Variants in BAIAP3 observed in about 807,000 individuals in gnomAD.
The protein encoded by BAIAP3 is BAI1-associated protein 3.
A neutral mutation model predicts 149.7 loss-of-function variants in BAIAP3; 180 were observed. The ratio of observed to expected loss-of-function variants is 1.20; its 90% CI spans 1.07 to 1.36. The LOEUF is 1.36. Among genes scored for constraint, BAIAP3 ranks in the 40% most tolerant of loss-of-function variants. BAIAP3 has a pLI of 0.00. For synonymous variants in BAIAP3, 845 were observed against 670.7 expected (o/e 1.26, Z -4.02); for missense variants, 1,767 against 1,563.4 (o/e 1.13, Z -2.20).
chr16:1,344,695 A>C lies in BAIAP3; in HGVS notation c.1754A>C (p.His585Pro). Residue 585 changes from histidine to proline, a missense_variant, in exon 19 of 34, where the codon CAC becomes CCC. Physicochemically the swap from His to Pro is moderately conservative, Grantham distance 77. Coordinates refer to ENST00000426824, the MANE Select transcript of BAIAP3 (RefSeq NM_001199097.2). ...FCYSVYASLF[H>P]SILNVDVFTL... The stretch of plus-strand genomic sequence containing the variant: ...TACAGTGTGTACGCCAGCCTCTTCC[A>C]CAGGTGGGCCTGGCCCCTCAGTGCT... The C allele has an allele frequency of 1.2e-6, 2 of 1,613,582 alleles. No individual in the cohort carries two copies. The highest frequency in any genetic ancestry group is 8.5e-7 in the Non-Finnish European group (1 of 1,179,990).
intron 3 of BAIAP3, 75 bp from the exon 4 acceptor site, chr16:1,339,089 C>A: frequency 6.3e-7 from 1 of 1,591,498 alleles, no homozygotes; most frequent in Non-Finnish European, 8.6e-7. Context: ...CCTCCTGGGG[C>A]ACCACCTGTC....
In BAIAP3 at chr16:1,342,030, T is replaced by A. The variant is rs758249260; in HGVS notation, c.821T>A (p.Leu274Gln). ...TCCCTGGTAGAAGCGTGCAGGAAGCTGAATGAAGTCATCGGCCTGAAGGGC... is the reference window on the plus strand; with the variant it reads ...TCCCTGGTAGAAGCGTGCAGGAAGCAGAATGAAGTCATCGGCCTGAAGGGC... ...DVSLVEACRK[L>Q]NEVIGLKGMG... Residue 274 changes from leucine (L) to glutamine (Q), a missense_variant, in exon 10 of 34, where the codon CTG becomes CAG. By Grantham distance (113) the Leu-to-Gln change is moderately radical. Transcript: ENST00000426824. The A allele has an allele frequency of 1.7e-5, 28 of 1,607,362 alleles. No homozygotes were observed. The South Asian group carries it at 2.5e-4, about 15-fold the overall frequency.
At chr16:1,334,241 G>C (rs907788562) in intron 1 of BAIAP3, among the ~76,000 whole-genome samples, 1 of 152,244 alleles carries the variant, frequency 6.6e-6, no homozygotes, top group South Asian at 2.1e-4. Flanking sequence ...ATCCCTGCGA[G>C]TGCAAAGCGG....
rs758687104 is a variant in BAIAP3 at position 1,346,615 on chromosome 16, C to A, written c.2573C>A (p.Pro858Gln). ...DSIQNDEAVA[P>Q]LMKYLDEKLA... is the part of the protein sequence containing the mutation. ...CACCCCTGCCCGCAGGCCGTGGCCC[C>A]GCTCATGAAGTACCTGGATGAGAAG... The change falls in exon 27 of 34, where the codon CCG becomes CAG. Residue 858 changes from proline (P) to glutamine (Q), a missense_variant. Coordinates refer to ENST00000426824, the MANE Select transcript of BAIAP3 (RefSeq NM_001199097.2). 4.5e-6 allele frequency: 7 copies of A among 1,552,592 alleles called. No individual in the cohort carries two copies. The East Asian group carries it at 1.7e-4, about 38-fold the overall frequency.
rs1402487668 is a variant in BAIAP3, at chr16:1,343,418, C to T, written c.1291C>T (p.His431Tyr). The change falls in exon 15 of 34, where the codon CAT becomes TAT. Residue 431 changes from histidine (H) to tyrosine (Y), a missense_variant. Transcript: ENST00000426824. ...VLHWQVSSRH[H>Y]QTCTLDYSYL... The stretch of plus-strand genomic sequence containing the variant: ...GCACTGGCAGGTCAGCAGCCGCCAC[C>T]ATCAAACCTGCACGCTGGACTACAG... 2 of 1,573,312 alleles carry T rather than the reference C, an allele frequency of 1.3e-6. No homozygotes were observed. The highest frequency in any genetic ancestry group is 1.7e-6 in the Non-Finnish European group (2 of 1,161,656).
Position 1,339,152 on chromosome 16 carries a change from C to T in BAIAP3, c.220-12C>T, listed in dbSNP as rs7202563. The T allele has an allele frequency of 6.4e-7, 1 of 1,565,354 alleles. No individual in the cohort carries two copies. The highest frequency in any genetic ancestry group is 1.2e-5 in the South Asian group (1 of 86,078). The stretch of plus-strand genomic sequence containing the variant: ...CTGCCGTCAGAGCCCTCACCCTGGG[C>T]CCCACACACAGGTCCCCCTGCGCAG... On this transcript the variant is annotated splice_polypyrimidine_tract_variant and intron_variant, in intron 3 of 33. Coordinates refer to ENST00000426824, the MANE Select transcript of BAIAP3 (RefSeq NM_001199097.2).
Position 1,342,485 on chromosome 16 carries a change from G to A in BAIAP3, c.958-42G>A, listed in dbSNP as rs540180093. On this transcript the variant is annotated intron_variant, in intron 11 of 33. Transcript: ENST00000426824. ...CTCACAGAGTCAGTGTGGAAGGGGA[G>A]GGGGAGGAGTCTGGTGGGCCTGACC... 8.9e-5 allele frequency: 135 copies of A among 1,510,566 alleles called. 1 individual carries two copies. The South Asian group carries it at 1.5e-3, about 17-fold the overall frequency. 93.6% of individuals were successfully genotyped at this position (1,510,566 alleles called of 1,614,324 possible).
Position 1,342,920 on chromosome 16 carries a change from C to G in BAIAP3, c.1169C>G (p.Ser390Cys), listed in dbSNP as rs780502832. The change falls in exon 14 of 34, where the codon TCC (serine) becomes TGC (cysteine). Residue 390 changes from serine to cysteine, a missense_variant. Coordinates refer to ENST00000426824, the MANE Select transcript of BAIAP3 (RefSeq NM_001199097.2). ...RLEHSAEEPN[S>C]SSWRGELSTP... ...ACAGACCTCCTCCCCCAGCCCAACT[C>G]CAGCAGCTGGCGAGGAGAGCTCAGC... The G allele has an allele frequency of 1.7e-5, 27 of 1,612,210 alleles. No individual in the cohort carries two copies. Among genetic ancestry groups the G allele is most frequent in the Non-Finnish European group, 2.0e-5 (24 of 1,179,998 alleles).
intron 1 of BAIAP3, among the ~76,000 whole-genome samples, chr16:1,334,196 C>T (rs1384649119): frequency 6.6e-6 from 1 of 152,044 alleles, no homozygotes; most frequent in South Asian, 2.1e-4. Context: ...TCCCTCCTCC[C>T]GCAGGTCCTC....
At position 1,347,371 on chromosome 16, in the gene BAIAP3, T is replaced by G. The variant is rs1359397058; in HGVS notation, c.2823+2T>G. ...AGCCTGAGGGATGGAAGCTACAAGG[T>G]GAGGTGGGACCCTCTGTGGGGCGGG... On this transcript the variant is annotated splice_donor_variant, in intron 29 of 33. Coordinates refer to ENST00000426824, the MANE Select transcript of BAIAP3 (RefSeq NM_001199097.2). LOFTEE classifies it high-confidence loss of function. 1.2e-6 allele frequency: 2 copies of G among 1,613,272 alleles called. No individual in the cohort carries two copies. The highest frequency in any genetic ancestry group is 8.5e-7 in the Non-Finnish European group (1 of 1,179,880).
At position 1,342,636 on chromosome 16, in the gene BAIAP3, T is replaced by G. The variant is rs1198962897; in HGVS notation, c.1065+2T>G. 6.3e-7 allele frequency: 1 copy of G among 1,589,720 alleles called. No individual in the cohort carries two copies. Among genetic ancestry groups the G allele is most frequent in the African/African-American group, 1.3e-5 (1 of 74,254 alleles). The stretch of plus-strand genomic sequence containing the variant: ...GTTCTCAAGCTGATCACTACGCAGG[T>G]GGGGAAAGTGGGCGTCCCCGTCCTC... On this transcript the variant is annotated splice_donor_variant, in intron 12 of 33. Coordinates refer to ENST00000426824, the MANE Select transcript of BAIAP3 (RefSeq NM_001199097.2). LOFTEE classifies it high-confidence loss of function.
chr16:1,344,282 T>G lies in BAIAP3; in HGVS notation c.1567T>G (p.Ser523Ala). The G allele has an allele frequency of 6.2e-7, 1 of 1,613,776 alleles. No homozygotes were observed. The highest frequency in any genetic ancestry group is 8.5e-7 in the Non-Finnish European group (1 of 1,179,976). The change falls in exon 17 of 34, where the codon TCG (serine) becomes GCG (alanine). Residue 523 changes from serine to alanine, a missense_variant. Ser to Ala is a moderately conservative substitution (Grantham distance 99, BLOSUM62 1). Coordinates refer to ENST00000426824, the MANE Select transcript of BAIAP3 (RefSeq NM_001199097.2). ...QPSFEICPFE[S>A]ELNMDIAAAL... The stretch of plus-strand genomic sequence containing the variant: ...CTCCTTTGAGATCTGCCCCTTCGAG[T>G]CGGAGCTGAACATGGACATTGCTGC...
At position 1,342,965 on chromosome 16, in the gene BAIAP3, T is replaced by G. The variant is rs1218300165; in HGVS notation, c.1214T>G (p.Leu405Arg). The G allele has an allele frequency of 6.2e-7, 1 of 1,611,072 alleles. No individual in the cohort carries two copies. Among genetic ancestry groups the G allele is most frequent in the Non-Finnish European group, 8.5e-7 (1 of 1,179,746 alleles). Residue 405 changes from leucine (L) to arginine (R), a missense_variant, in exon 14 of 34, where the codon CTC (leucine) becomes CGC (arginine). Physicochemically the swap from Leu to Arg is moderately radical, Grantham distance 102 (BLOSUM62 -2). Transcript: ENST00000426824. ...GELSTPAATILCLHGAQSNLS... is the reference protein window; with the variant it reads ...GELSTPAATIRCLHGAQSNLS... ...CTCAGCACACCAGCCGCCACCATCC[T>G]CTGCCTGCACGGAGCCCAGAGCAAC...
chr16:1,339,116 T>C (rs2033675096), intron 3 of BAIAP3, 48 bp from the exon 4 acceptor site: 2 of 1,576,810 alleles, frequency 1.3e-6, no homozygotes, highest in Non-Finnish European at 8.6e-7. Context: ...GCTGCAGGCC[T>C]GGGGCTCTCC....
intron 1 of BAIAP3, chr16:1,334,646 C>T (rs1304870796): frequency 6.5e-7 from 1 of 1,545,090 alleles, no homozygotes; most frequent in Non-Finnish European, 8.7e-7. Flanking sequence ...ATGCAGATTC[C>T]CGGGGTTCGA....
Position 1,348,256 on chromosome 16 carries a change from G to T in BAIAP3, c.3310G>T (p.Ala1104Ser), listed in dbSNP as rs777975522. ...ARPQVGGGAR[A>S]GQPVTLHLCR... is the part of the protein sequence containing the mutation. ...GCCCCAGGTGGGCGGGGGTGCAAGG[G>T]CTGGGCAGCCTGTCACCCTGCACCT... The change falls in exon 33 of 34, where the codon GCT becomes TCT. Residue 1104 changes from alanine (A) to serine (S), a missense_variant. Physicochemically the swap from Ala to Ser is moderately conservative, Grantham distance 99 (BLOSUM62 1). Transcript: ENST00000426824. 1 of 1,603,332 alleles carries T rather than the reference G, an allele frequency of 6.2e-7. No individual in the cohort carries two copies.
intron 15 of BAIAP3, 100 bp downstream of exon 15, chr16:1,343,613 TG>T: frequency 6.7e-7 from 1 of 1,495,032 alleles, no homozygotes; most frequent in Non-Finnish European, 9.0e-7. Context: ...CCTGCCCGCG[TG>T]GGGGTCAAAG....
Position 1,343,391 on chromosome 16 carries a change from A to C in BAIAP3, c.1266-2A>C. On this transcript the variant is annotated splice_acceptor_variant, in intron 14 of 33. Transcript: ENST00000426824. LOFTEE classifies it high-confidence loss of function. ...CCTTTGACCATGGGCCGGGCCCCAC[A>C]GGCACTGGCAGGTCAGCAGCCGCCA... 1 of 1,570,056 alleles carries C rather than the reference A, an allele frequency of 6.4e-7. No homozygotes were observed. Among genetic ancestry groups the C allele is most frequent in the Non-Finnish European group, 8.6e-7 (1 of 1,159,568 alleles).
intron 1 of BAIAP3, chr16:1,336,483 C>T (rs911422721): frequency 3.3e-5 from 27 of 811,032 alleles, no homozygotes; most frequent in Admixed American, 1.2e-4. Flanking sequence ...GGTCTGGTCC[C>T]GTAAGAGCCT....
Sources: allele counts gnomAD v4.1 joint callset (sites outside exome capture counted in the v4.1 genomes callset), GRCh38; gene constraint gnomAD v4.1.1; transcripts MANE v1.5; gene names NCBI Gene and HGNC (gene_info 2026-07-23, HGNC 2026-07-21).